The following RFX3 variants were observed in gnomAD, a reference collection of about 807,000 sequenced individuals.
The protein encoded by RFX3 is transcription factor RFX3.
RFX3 carries 14 observed loss-of-function variants against 98.6 expected under a neutral mutation model. That is an observed-to-expected ratio of 0.14 (90% confidence interval 0.09 to 0.22). The LOEUF (loss-of-function observed/expected upper bound fraction) is 0.22, where lower values mean the gene tolerates loss of function less well. Among genes scored for constraint, RFX3 ranks in the 10% least tolerant of loss-of-function variants. The pLI, the probability that RFX3 is intolerant of heterozygous loss-of-function variation, is 1.00. For missense variants in RFX3, 639 were observed against 926.9 expected (o/e 0.69, Z 4.03); for synonymous variants, 383 against 328.4 (o/e 1.17, Z -1.80).
chr9:3,413,986 A>G (rs1014080746), intron 1 of RFX3, among the ~76,000 whole-genome samples: 2 of 152,128 alleles, frequency 1.3e-5, no homozygotes, highest in Non-Finnish European at 2.9e-5. Flanking sequence ...GTTACATCCA[A>G]TTAAAAATTT....
chr9:3,358,937 A>T (rs1473039872), intron 2 of RFX3, among the ~76,000 whole-genome samples: 1 of 151,944 alleles, frequency 6.6e-6, no homozygotes, highest in Non-Finnish European at 1.5e-5. Flanking sequence ...AGCATGGGGG[A>T]AACTGCTCCC....
At chr9:3,467,300 A>C (rs1848391947) in intron 1 of RFX3, among the ~76,000 whole-genome samples, 3 of 146,640 alleles carry the variant, frequency 2.0e-5, no homozygotes, top group African/African-American at 7.5e-5. Flanking sequence ...ATATACACAC[A>C]CACAAATATA....
chr9:3,426,509 AG>A (rs1268864522), intron 1 of RFX3, among the ~76,000 whole-genome samples: 2 of 152,104 alleles, frequency 1.3e-5, no homozygotes, highest in African/African-American at 4.8e-5. Context: ...ACACAGCAGG[AG>A]GTGAGCAAGA....
chr9:3,277,669 A>G (rs1437361595), intron 7 of RFX3, among the ~76,000 whole-genome samples: 1 of 151,970 alleles, frequency 6.6e-6, no homozygotes, highest in East Asian at 1.9e-4. Context: ...GGGATGCATG[A>G]AGGGGACCCA....
intron 4 of RFX3, among the ~76,000 whole-genome samples, chr9:3,319,471 G>A (rs1370347332): frequency 6.6e-6 from 1 of 152,000 alleles, no homozygotes; most frequent in African/African-American, 2.4e-5. Flanking sequence ...GGGTGATTCT[G>A]CAATCTTAAG....
intron 9 of RFX3, among the ~76,000 whole-genome samples, chr9:3,272,856 T>C (rs541289900): frequency 9.8e-4 from 149 of 152,270 alleles, no homozygotes; most frequent in African/African-American, 3.5e-3. Flanking sequence ...GATAAACAAA[T>C]TGTGAGAATT....
chr9:3,472,729 T>C (rs1848882859), intron 1 of RFX3, among the ~76,000 whole-genome samples: 1 of 152,220 alleles, frequency 6.6e-6, no homozygotes, highest in Non-Finnish European at 1.5e-5. Flanking sequence ...ATTGAGTTAC[T>C]GTGTCAGTGA....
intron 1 of RFX3, among the ~76,000 whole-genome samples, chr9:3,497,315 T>C (rs1245032381): frequency 6.6e-6 from 1 of 151,986 alleles, no homozygotes; most frequent in African/African-American, 2.4e-5. Context: ...AAGGAATTCT[T>C]CTCTAAATAA....
intron 1 of RFX3, among the ~76,000 whole-genome samples, chr9:3,525,480 T>G (rs1054152224): frequency 1.3e-5 from 2 of 151,910 alleles, no homozygotes; most frequent in Admixed American, 6.6e-5. Context: ...GCTCCATCCC[T>G]GAAGTGCGGC....
At chr9:3,469,470 C>A (rs899836631) in intron 1 of RFX3, among the ~76,000 whole-genome samples, 1 of 152,026 alleles carries the variant, frequency 6.6e-6, no homozygotes, top group African/African-American at 2.4e-5. Context: ...ATATAAACTA[C>A]GAAATCTCTC....
At chr9:3,275,344 G>C (rs1449393054) in intron 9 of RFX3, 156 bp downstream of exon 9, 3 of 469,668 alleles carry the variant, frequency 6.4e-6, no homozygotes, top group Non-Finnish European at 3.8e-6. Flanking sequence ...TCTGAGACCA[G>C]AAAGAAGAAA....
chr9:3,219,023 A>G lies in RFX3; in HGVS notation c.*6019T>C, dbSNP rs1817210359. The stretch of plus-strand genomic sequence containing the variant: ...GTAAGCACTACAATTAACCTAATTA[A>G]AAGTTTACCACCTCAGGCACAAATT... On this transcript the variant is annotated 3_prime_UTR_variant, in exon 17 of 17. Coordinates refer to ENST00000617270, the MANE Select transcript of RFX3 (RefSeq NM_001282116.2). 6.6e-6 allele frequency: 1 copy of G among 152,174 alleles called. No individual in the cohort carries two copies. Among genetic ancestry groups the G allele is most frequent in the Non-Finnish European group, 1.5e-5 (1 of 68,022 alleles). The allele number at this position is 152,174 out of a possible 1,614,324, so 9.4% of individuals were successfully genotyped here.
chr9:3,291,579 T>C (rs1213947518), intron 6 of RFX3, among the ~76,000 whole-genome samples: 1 of 152,160 alleles, frequency 6.6e-6, no homozygotes, highest in Non-Finnish European at 1.5e-5. Flanking sequence ...TCTCTCTGTT[T>C]CTTTGGGCCA....
At chr9:3,251,415 A>T (rs998364102) in intron 14 of RFX3, among the ~76,000 whole-genome samples, 7 of 151,982 alleles carry the variant, frequency 4.6e-5, no homozygotes, top group Non-Finnish European at 8.8e-5. Flanking sequence ...TGATGCCATT[A>T]TAGTTCACTG....
At chr9:3,471,357 C>CT (rs1460945105) in intron 1 of RFX3, among the ~76,000 whole-genome samples, 2 of 152,210 alleles carry the variant, frequency 1.3e-5, no homozygotes, top group Non-Finnish European at 2.9e-5. Context: ...ATTTAAATCA[C>CT]TTGCTCAAGG....
rs1831204076 is a variant in RFX3, at chr9:3,320,797, AT to A, written c.474+9461del. 4.3e-5 allele frequency among the ~76,000 whole-genome samples: 6 copies of A among 138,184 alleles called. 1 individual carries two copies. 90.7% of individuals were successfully genotyped at this position (138,184 alleles called of 152,430 possible). A position where few individuals can be genotyped will look rare whatever the true frequency, so the allele number is the denominator to read the frequency against. ...TATATATATATATATATATATATAT[AT>A]ATATATATATATAGCCTCATTATCT... On this transcript the variant is annotated intron_variant, in intron 4 of 16. Transcript: ENST00000617270.
At chr9:3,256,881 T>G (rs1822215921) in intron 14 of RFX3, 110 bp downstream of exon 14, 29 of 1,015,976 alleles carry the variant, frequency 2.9e-5, no homozygotes, top group Non-Finnish European at 4.3e-5. Flanking sequence ...TTCCACAAAC[T>G]AAAGTCTTTA....
chr9:3,362,934 A>G (rs1003145193), intron 2 of RFX3, among the ~76,000 whole-genome samples: 5 of 152,210 alleles, frequency 3.3e-5, no homozygotes, highest in Admixed American at 6.5e-5. Context: ...ATAATTTCTC[A>G]GCGACAAAAC....
At chr9:3,332,174 G>A (rs1035886765) in intron 3 of RFX3, among the ~76,000 whole-genome samples, 4 of 152,066 alleles carry the variant, frequency 2.6e-5, no homozygotes, top group African/African-American at 9.7e-5. Flanking sequence ...TATACAGGCT[G>A]AGAATACCTT....
Sources: gnomAD v4.1 joint callset for allele counts (sites outside exome capture counted in the v4.1 genomes callset) on GRCh38, gnomAD v4.1.1 for gene constraint, MANE v1.5 for transcripts, NCBI Gene and HGNC (gene_info 2026-07-23, HGNC 2026-07-21) for gene names.